Variants in SMAD4 observed in about 807,000 individuals in gnomAD.
SMAD4 encodes SMAD family member 4, also known as MAD homolog 4.
Under a neutral mutation model 63.2 loss-of-function variants are expected in SMAD4, and 7 were observed. That is an observed-to-expected ratio of 0.11 (90% confidence interval 0.06 to 0.21). SMAD4 has a LOEUF of 0.21. SMAD4 is among the 10% of genes least tolerant of loss of function. SMAD4 has a pLI of 1.00. For missense variants in SMAD4, 312 were observed against 693.8 expected (o/e 0.45, Z 6.18); for synonymous variants, 215 against 235.4 (o/e 0.91, Z 0.79).
intron 4 of SMAD4, among the ~76,000 whole-genome samples, chr18:51,052,153 C>T (rs1909729323): frequency 1.3e-5 from 2 of 152,102 alleles, no homozygotes; most frequent in African/African-American, 4.8e-5. Flanking sequence ...TGTATAACTA[C>T]TCTAAAAATA....
intron 10 of SMAD4, among the ~76,000 whole-genome samples, chr18:51,073,782 C>T (rs974484610): frequency 5.9e-5 from 9 of 151,960 alleles, no homozygotes; most frequent in African/African-American, 2.2e-4. Flanking sequence ...CCTCCTGCCT[C>T]GGCCTCCCAA....
rs1319439660 is a variant in SMAD4 at position 51,083,592 on chromosome 18, T to A, written c.*5125T>A. ...CTCAATAGGTCCAGAGCCAGTGTTC[T>A]TGTTCAACCTGAAAGTAATGGCTCT... On this transcript the variant is annotated 3_prime_UTR_variant, in exon 12 of 12. Coordinates refer to ENST00000342988, the MANE Select transcript of SMAD4 (RefSeq NM_005359.6). 1 of 228,590 alleles carries A rather than the reference T, an allele frequency of 4.4e-6. No individual in the cohort carries two copies. The highest frequency in any genetic ancestry group is 8.7e-6 in the Non-Finnish European group (1 of 115,044). The allele number at this position is 228,590 out of a possible 1,614,324, so 14.2% of individuals were successfully genotyped here.
chr18:51,058,066 A>G, intron 5 of SMAD4, 59 bp from the exon 6 acceptor site: 5 of 1,603,218 alleles, frequency 3.1e-6, no homozygotes, highest in Non-Finnish European at 4.3e-6. Flanking sequence ...CATTTAGTAT[A>G]TGAAATCATA....
intron 11 of SMAD4, chr18:51,077,320 A>T: frequency 1.1e-6 from 1 of 900,814 alleles, no homozygotes; most frequent in African/African-American, 1.8e-5. Flanking sequence ...TAAACTCCTG[A>T]CTATAGACTT....
intron 9 of SMAD4, chr18:51,066,814 A>T (rs1599196705): frequency 1.8e-6 from 1 of 545,494 alleles, no homozygotes; most frequent in Non-Finnish European, 3.3e-6. Context: ...CCTGACACAT[A>T]GTAAGTGTTG....
At chr18:51,061,142 G>C (rs988548240) in intron 8 of SMAD4, among the ~76,000 whole-genome samples, 6 of 152,052 alleles carry the variant, frequency 3.9e-5, no homozygotes, top group Non-Finnish European at 8.8e-5. Context: ...TTTGATACAG[G>C]CATATAATGC....
chr18:51,074,377 A>G (rs1229292904), intron 10 of SMAD4, among the ~76,000 whole-genome samples: 4 of 152,326 alleles, frequency 2.6e-5, no homozygotes, highest in South Asian at 2.1e-4. Context: ...GGCAAAAGAC[A>G]TGAACAAACA....
intron 4 of SMAD4, chr18:51,051,227 G>A (rs1203251063): frequency 2.0e-5 from 7 of 345,830 alleles, no homozygotes; most frequent in Non-Finnish European, 4.0e-5. Context: ...AATTATTGAT[G>A]CACTGTTATT....
At chr18:51,073,391 A>ATATATAT (rs1223048001) in intron 10 of SMAD4, among the ~76,000 whole-genome samples, 1 of 55,720 alleles carries the variant, frequency 1.8e-5, no homozygotes, top group Non-Finnish European at 4.0e-5. Context: ...ATATATATAC[A>ATATATAT]CACACACACA....
In SMAD4 at chr18:51,033,913, C is replaced by A. The variant is rs138224416; in HGVS notation, c.-128+3290C>A. On this transcript the variant is annotated intron_variant, in intron 1 of 11. Coordinates refer to ENST00000342988, the MANE Select transcript of SMAD4 (RefSeq NM_005359.6). ...AAGATGGTAGGTAGTCGGATTCTTA[C>A]AATTTATAAGGTTCTCATAATCTAA... is the stretch of plus-strand genomic sequence containing the variant. 2.8e-3 allele frequency among the ~76,000 whole-genome samples: 431 copies of A among 152,280 alleles called. 3 individuals are homozygous for A. Among genetic ancestry groups the A allele is most frequent in the African/African-American group, 7.2e-3 (299 of 41,552 alleles).
At chr18:51,033,883 A>C in intron 1 of SMAD4, among the ~76,000 whole-genome samples, 1 of 152,290 alleles carries the variant, frequency 6.6e-6, no homozygotes, top group Middle Eastern at 3.4e-3. Flanking sequence ...TACATATGTA[A>C]AACTAAGATG....
chr18:51,048,924 T>G, intron 3 of SMAD4, 64 bp downstream of exon 3: 1 of 1,411,170 alleles, frequency 7.1e-7, no homozygotes, highest in Non-Finnish European at 1.0e-6. Flanking sequence ...AGTGTTTCAA[T>G]TTTTGTAAGT....
rs1358287676 is a variant in SMAD4, at chr18:51,078,952, T to C, written c.*485T>C. On this transcript the variant is annotated 3_prime_UTR_variant, in exon 12 of 12. Transcript: ENST00000342988. The stretch of plus-strand genomic sequence containing the variant: ...ATGTGCCATGTGGGTGAGTTAATTT[T>C]ACCAAGAGTAACTTTACTCTGTGTT... 1 of 235,184 alleles carries C rather than the reference T, an allele frequency of 4.3e-6. No homozygotes were observed. 14.6% of individuals were successfully genotyped at this position (235,184 alleles called of 1,614,324 possible).
At chr18:51,073,871 C>CGCCTT (rs2144467984) in intron 10 of SMAD4, among the ~76,000 whole-genome samples, 1 of 152,140 alleles carries the variant, frequency 6.6e-6, no homozygotes, top group Admixed American at 6.5e-5. Flanking sequence ...ACATCAAAGG[C>CGCCTT]ATGATCCATA....
At chr18:51,037,753 T>G (rs551107750) in intron 1 of SMAD4, among the ~76,000 whole-genome samples, 1 of 152,318 alleles carries the variant, frequency 6.6e-6, no homozygotes, top group East Asian at 1.9e-4. Flanking sequence ...TATTTTTATT[T>G]AACAGGATGA....
intron 1 of SMAD4, among the ~76,000 whole-genome samples, chr18:51,043,536 CTT>C (rs1447275618): frequency 6.6e-6 from 1 of 152,168 alleles, no homozygotes; most frequent in African/African-American, 2.4e-5. Context: ...GAATACATCT[CTT>C]TATTCCTGCT....
intron 4 of SMAD4, among the ~76,000 whole-genome samples, chr18:51,050,532 G>A (rs1348292977): frequency 2.0e-5 from 3 of 151,720 alleles, no homozygotes; most frequent in African/African-American, 7.3e-5. Flanking sequence ...GGTGGTGGGT[G>A]CCTGTAGTCC....
intron 1 of SMAD4, among the ~76,000 whole-genome samples, chr18:51,034,338 C>T (rs760103179): frequency 6.6e-6 from 1 of 151,780 alleles, no homozygotes; most frequent in South Asian, 2.1e-4. Context: ...CCTCCACTTG[C>T]TGGGTTCAAG....
At chr18:51,058,528 A>C in intron 7 of SMAD4, 72 bp downstream of exon 7, 2 of 1,016,514 alleles carry the variant, frequency 2.0e-6, no homozygotes. Context: ...CTGTTTTTTA[A>C]AAATGTTTTT....
Sources: allele counts gnomAD v4.1 joint callset (sites outside exome capture counted in the v4.1 genomes callset), GRCh38; gene constraint gnomAD v4.1.1; transcripts MANE v1.5; gene names NCBI Gene and HGNC (gene_info 2026-07-23, HGNC 2026-07-21).